Variants in TTC6 observed in about 807,000 individuals in gnomAD.
The protein encoded by TTC6 is tetratricopeptide repeat protein 6.
In TTC6, 172 loss-of-function variants were observed where a neutral mutation model predicts 210.4. That is an observed-to-expected ratio of 0.82 (90% confidence interval 0.72 to 0.93). The LOEUF is 0.93. TTC6 is among the 40% of genes least tolerant of loss of function. The pLI, the probability that TTC6 is intolerant of heterozygous loss-of-function variation, is 0.00. For missense variants in TTC6, 2,414 were observed against 2,318.1 expected (o/e 1.04, Z -0.85); for synonymous variants, 804 against 819.6 (o/e 0.98, Z 0.32).
chr14:37,639,501 G>T (rs1024146806), intron 1 of TTC6, among the ~76,000 whole-genome samples: 9 of 152,074 alleles, frequency 5.9e-5, no homozygotes, highest in Admixed American at 5.9e-4. Flanking sequence ...CTGTGTAAAT[G>T]TAAAAGTTCT....
At chr14:37,637,546 G>C (rs1006654430) in intron 1 of TTC6, among the ~76,000 whole-genome samples, 1 of 152,098 alleles carries the variant, frequency 6.6e-6, no homozygotes, top group Non-Finnish European at 1.5e-5. Context: ...GAGGCAGGAG[G>C]ATCTCTCGAA....
At chr14:37,773,059 G>A (rs1001702627) in intron 14 of TTC6, among the ~76,000 whole-genome samples, 2 of 152,118 alleles carry the variant, frequency 1.3e-5, no homozygotes, top group African/African-American at 4.8e-5. Flanking sequence ...CTATTGAAAA[G>A]TGTCTGTTCA....
chr14:37,779,653 T>C (rs1419330773), intron 14 of TTC6, among the ~76,000 whole-genome samples: 1 of 152,212 alleles, frequency 6.6e-6, no homozygotes, highest in African/African-American at 2.4e-5. Context: ...TTATCCCAGC[T>C]TACAGCCATT....
At chr14:37,787,396 G>C in intron 14 of TTC6, 72 bp from the exon 17 acceptor site, 1 of 1,029,684 alleles carries the variant, frequency 9.7e-7, no homozygotes, top group Non-Finnish European at 1.3e-6. Context: ...TATAAAATTA[G>C]TTGTACAGGT....
At chr14:37,690,757 G>C (rs2095802093) in intron 3 of TTC6, among the ~76,000 whole-genome samples, 1 of 151,756 alleles carries the variant, frequency 6.6e-6, no homozygotes, top group Admixed American at 6.6e-5. Flanking sequence ...CAAAGAGGGA[G>C]ACTCCAATAC....
chr14:37,829,271 T>C (rs2096179242), intron 29 of TTC6, among the ~76,000 whole-genome samples: 2 of 152,050 alleles, frequency 1.3e-5, no homozygotes, highest in African/African-American at 4.8e-5. Context: ...AATTTTGGCA[T>C]GATCAATACA....
intron 7 of TTC6, among the ~76,000 whole-genome samples, chr14:37,727,291 A>ATTTTTT (rs368293440): frequency 3.3e-5 from 3 of 92,238 alleles, no homozygotes; most frequent in Non-Finnish European, 6.6e-5. Context: ...TATTTTTCTA[A>ATTTTTT]TTTTTTTTTT....
At chr14:37,765,197 C>G (rs1003528796) in intron 14 of TTC6, among the ~76,000 whole-genome samples, 1 of 151,990 alleles carries the variant, frequency 6.6e-6, no homozygotes, top group Non-Finnish European at 1.5e-5. Flanking sequence ...GGATCTCACT[C>G]TGTGCCCCAG....
At chr14:37,601,378 A>G (rs540736656) in intron 1 of TTC6, among the ~76,000 whole-genome samples, 1 of 152,322 alleles carries the variant, frequency 6.6e-6, no homozygotes, top group East Asian at 1.9e-4. Flanking sequence ...AGCCTGTAGC[A>G]TAGTAGACTT....
intron 7 of TTC6, 82 bp downstream of exon 9, chr14:37,725,084 A>G: frequency 8.1e-6 from 6 of 736,242 alleles, no homozygotes; most frequent in Non-Finnish European, 2.0e-6. Context: ...ATGACATTCA[A>G]TTTTACTGGC....
Position 37,622,210 on chromosome 14 carries a change from GC to G in TTC6, c.149del (p.Pro50GlnfsTer84). 1.3e-6 allele frequency: 2 copies of G among 1,535,582 alleles called. No individual in the cohort carries two copies. Among genetic ancestry groups the G allele is most frequent in the Non-Finnish European group, 1.7e-6 (2 of 1,146,712 alleles). On this transcript the variant is annotated frameshift_variant, in exon 1 of 31. Coordinates refer to ENST00000553443, the Ensembl canonical transcript of TTC6. LOFTEE classifies it high-confidence loss of function. ...GCCTCCAAGCCGGCTGTAGATGAAA[GC>G]CCAGTCCACAGCCTCCATGCCCCCG...
chr14:37,611,915 T>C (rs1032468211), intron 2 of TTC6, among the ~76,000 whole-genome samples: 2 of 152,076 alleles, frequency 1.3e-5, no homozygotes, highest in Non-Finnish European at 2.9e-5. Flanking sequence ...AATGCAAGGA[T>C]TGTTGGCATT....
At chr14:37,755,290 A>T (rs754048786) in intron 14 of TTC6, among the ~76,000 whole-genome samples, 11 of 152,140 alleles carry the variant, frequency 7.2e-5, no homozygotes, top group Non-Finnish European at 1.5e-4. Flanking sequence ...CCTTTGTCAG[A>T]TGAATAGATT....
At chr14:37,648,027 C>T (rs140874516) in intron 1 of TTC6, among the ~76,000 whole-genome samples, 107 of 152,244 alleles carry the variant, frequency 7.0e-4, no homozygotes, top group African/African-American at 2.5e-3. Context: ...CACACACACA[C>T]GTTCACACCC....
At chr14:37,690,550 A>G (rs987482053) in intron 3 of TTC6, among the ~76,000 whole-genome samples, 6 of 152,170 alleles carry the variant, frequency 3.9e-5, no homozygotes, top group Admixed American at 2.0e-4. Flanking sequence ...TTCCATGCCA[A>G]TGGAAACCAG....
intron 5 of TTC6, among the ~76,000 whole-genome samples, chr14:37,710,346 T>C (rs897378988): frequency 6.6e-6 from 1 of 152,262 alleles, no homozygotes; most frequent in Admixed American, 6.5e-5. Flanking sequence ...ATAGAAGATG[T>C]GTGCAGAGAT....
intron 1 of TTC6, among the ~76,000 whole-genome samples, chr14:37,648,769 A>C (rs2095706086): frequency 6.6e-6 from 1 of 152,156 alleles, no homozygotes; most frequent in Admixed American, 6.5e-5. Flanking sequence ...ACAATCCCCC[A>C]GCTCAGTTTT....
chr14:37,665,950 C>T (rs2095747133), intron 1 of TTC6, among the ~76,000 whole-genome samples: 3 of 150,612 alleles, frequency 2.0e-5, no homozygotes, highest in African/African-American at 7.3e-5. Context: ...CTTCTTTCCC[C>T]TCTTCTACCT....
At chr14:37,767,686 G>T (rs1165162579) in intron 14 of TTC6, among the ~76,000 whole-genome samples, 1 of 151,986 alleles carries the variant, frequency 6.6e-6, no homozygotes, top group Non-Finnish European at 1.5e-5. Flanking sequence ...GTTCATTGTA[G>T]ATTCTGGATA....
Sources: gnomAD v4.1 joint callset for allele counts (sites outside exome capture counted in the v4.1 genomes callset) on GRCh38, gnomAD v4.1.1 for gene constraint, MANE v1.5 for transcripts, NCBI Gene and HGNC (gene_info 2026-07-23, HGNC 2026-07-21) for gene names.